Variants in CMKLR1 observed in about 807,000 individuals in gnomAD.
CMKLR1 encodes chemerin-like receptor 1.
CMKLR1 carries 6 observed loss-of-function variants against 8.2 expected under a neutral mutation model. The observed-to-expected ratio is 0.73, with a 90% CI of 0.40 to 1.44. The LOEUF (loss-of-function observed/expected upper bound fraction) is 1.44, where lower values mean the gene tolerates loss of function less well. Ranked by LOEUF, CMKLR1 falls within the 40% of genes most tolerant of loss-of-function variation. The probability of loss-of-function intolerance (pLI) is 0.02; values close to 1 mark genes in which losing one functional copy is unlikely to be tolerated. For synonymous variants in CMKLR1, 178 were observed against 181.2 expected, an observed-to-expected ratio of 0.98 and a Z score of 0.14; for missense variants, 429 against 478.0, an observed-to-expected ratio of 0.90 and a Z score of 0.96.
In CMKLR1 at chr12:108,330,033, C is replaced by G. The variant is rs1307142774; in HGVS notation, c.-112G>C. 6.6e-6 allele frequency: 1 copy of G among 152,204 alleles called. No individual in the cohort carries two copies. Among genetic ancestry groups the G allele is most frequent in the Non-Finnish European group, 1.5e-5 (1 of 68,044 alleles). The allele number at this position is 152,204 out of a possible 1,614,324, so 9.4% of individuals were successfully genotyped here. A position where few individuals can be genotyped will look rare whatever the true frequency, so the allele number is the denominator to read the frequency against. On this transcript the variant is annotated 5_prime_UTR_variant, in exon 2 of 4. Coordinates refer to ENST00000550402, the MANE Select transcript of CMKLR1 (RefSeq NM_001142343.2). The stretch of plus-strand genomic sequence containing the variant: ...CATCAAGAAGTGGACTCTATTTCTC[C>G]TCCCCTTGAATCTGCACTGGCATGG...
chr12:108,294,327 C>G (rs1452603724), intron 2 of CMKLR1, among the ~76,000 whole-genome samples: 3 of 152,180 alleles, frequency 2.0e-5, no homozygotes, highest in Non-Finnish European at 2.9e-5. Flanking sequence ...ATCCACTGAG[C>G]CTCCGCTGTG....
chr12:108,332,974 C>CA (rs1046719221), intron 1 of CMKLR1, among the ~76,000 whole-genome samples: 2 of 151,996 alleles, frequency 1.3e-5, no homozygotes, highest in Non-Finnish European at 2.9e-5. Flanking sequence ...GATTTTGTCT[C>CA]AAAAAATAAA....
At chr12:108,312,519 C>T (rs879734797) in intron 2 of CMKLR1, among the ~76,000 whole-genome samples, 3 of 152,196 alleles carry the variant, frequency 2.0e-5, no homozygotes, top group Non-Finnish European at 4.4e-5. Flanking sequence ...CCACCCCCTG[C>T]TTATTAGGCA....
intron 2 of CMKLR1, among the ~76,000 whole-genome samples, chr12:108,302,441 A>T (rs988672478): frequency 6.6e-6 from 1 of 152,238 alleles, no homozygotes; most frequent in African/African-American, 2.4e-5. Flanking sequence ...CGATTCTGGC[A>T]AAAGTGATTT....
intron 2 of CMKLR1, chr12:108,317,826 T>C (rs1173421399): frequency 6.6e-6 from 1 of 152,236 alleles, no homozygotes; most frequent in Admixed American, 6.5e-5. Flanking sequence ...AAAATCTTGC[T>C]CCTACCTGCC....
intron 1 of CMKLR1, among the ~76,000 whole-genome samples, chr12:108,331,821 G>A (rs1892114834): frequency 6.6e-6 from 1 of 152,100 alleles, no homozygotes; most frequent in African/African-American, 2.4e-5. Context: ...GGAAAAGGAG[G>A]GCAAACAGAT....
intron 2 of CMKLR1, among the ~76,000 whole-genome samples, chr12:108,294,309 A>T (rs1891070666): frequency 6.6e-6 from 1 of 152,246 alleles, no homozygotes; most frequent in African/African-American, 2.4e-5. Flanking sequence ...GAAGACAGAC[A>T]CAAATATATC....
In CMKLR1 at chr12:108,292,898, A is replaced by G. The variant is rs992175629; in HGVS notation, c.65T>C (p.Leu22Ser). 6.2e-7 allele frequency: 1 copy of G among 1,614,104 alleles called. No individual in the cohort carries two copies. ...ISYGDEYPDY[L>S]DSIVVLEDLS... ...GTCCTCCAAAACCACAATGGAGTCT[A>G]AATAATCAGGGTATTCATCACCGTA... The change falls in exon 4 of 4, where the codon TTA becomes TCA. Residue 22 changes from leucine (L) to serine (S), a missense_variant. Leu to Ser is a moderately radical substitution (Grantham distance 145, BLOSUM62 -2). Coordinates refer to ENST00000550402, the MANE Select transcript of CMKLR1 (RefSeq NM_001142343.2).
intron 2 of CMKLR1, among the ~76,000 whole-genome samples, chr12:108,312,392 G>A (rs1324592818): frequency 6.6e-6 from 1 of 152,160 alleles, no homozygotes; most frequent in Non-Finnish European, 1.5e-5. Flanking sequence ...TTCCCTTACA[G>A]CCTACCAGCA....
intron 2 of CMKLR1, among the ~76,000 whole-genome samples, chr12:108,320,846 C>G (rs530572521): frequency 7.2e-5 from 11 of 152,350 alleles, no homozygotes; most frequent in African/African-American, 2.6e-4. Flanking sequence ...CAAAGAAACA[C>G]AGTCCAGCAG....
chr12:108,301,960 C>T (rs1280859408), intron 2 of CMKLR1, among the ~76,000 whole-genome samples: 1 of 152,102 alleles, frequency 6.6e-6, no homozygotes, highest in Non-Finnish European at 1.5e-5. Flanking sequence ...TCAGAATGCA[C>T]ACACACACAC....
chr12:108,298,965 C>T (rs529339583), intron 2 of CMKLR1, among the ~76,000 whole-genome samples: 57 of 152,338 alleles, frequency 3.7e-4, no homozygotes, highest in East Asian at 1.9e-3. Flanking sequence ...CACGTGTGGG[C>T]GGCAGGAGAC....
At chr12:108,293,695 C>G in intron 2 of CMKLR1, 31 bp from the exon 3 acceptor site, 1 of 1,142,670 alleles carries the variant, frequency 8.8e-7, no homozygotes, top group Non-Finnish European at 1.2e-6. Context: ...AAAAAAGCAG[C>G]AATTGGATCC....
At chr12:108,319,936 T>C (rs1472703572) in intron 2 of CMKLR1, among the ~76,000 whole-genome samples, 12 of 152,046 alleles carry the variant, frequency 7.9e-5, no homozygotes, top group African/African-American at 2.4e-4. Flanking sequence ...GGCTGGGAGA[T>C]AGAATACAAA....
At chr12:108,328,540 A>G (rs1892035383) in intron 2 of CMKLR1, among the ~76,000 whole-genome samples, 2 of 152,228 alleles carry the variant, frequency 1.3e-5, no homozygotes, top group Admixed American at 6.5e-5. Context: ...ATGGGTTTCA[A>G]AAGAGGTCTG....
chr12:108,322,892 A>C (rs1891895030), intron 2 of CMKLR1, among the ~76,000 whole-genome samples: 1 of 152,200 alleles, frequency 6.6e-6, no homozygotes, highest in African/African-American at 2.4e-5. Context: ...TAATCATTTC[A>C]TCCAATTGCC....
intron 2 of CMKLR1, among the ~76,000 whole-genome samples, chr12:108,316,847 G>A (rs570757761): frequency 1.4e-4 from 21 of 152,184 alleles, no homozygotes; most frequent in Non-Finnish European, 2.6e-4. Flanking sequence ...GGTTGGAACC[G>A]CCAGTGGGAG....
At chr12:108,322,066 C>A (rs1318049451) in intron 2 of CMKLR1, among the ~76,000 whole-genome samples, 1 of 152,164 alleles carries the variant, frequency 6.6e-6, no homozygotes, top group African/African-American at 2.4e-5. Flanking sequence ...AAGGATAAAT[C>A]TTTGCTTTTG....
chr12:108,313,396 G>C (rs1160927449), intron 2 of CMKLR1, among the ~76,000 whole-genome samples: 1 of 152,210 alleles, frequency 6.6e-6, no homozygotes, highest in Non-Finnish European at 1.5e-5. Flanking sequence ...ACAGGAAAAG[G>C]GAAGTGGCTC....
Sources: allele counts gnomAD v4.1 joint callset (sites outside exome capture counted in the v4.1 genomes callset), GRCh38; gene constraint gnomAD v4.1.1; transcripts MANE v1.5; gene names NCBI Gene and HGNC (gene_info 2026-07-23, HGNC 2026-07-21).